Variants in SUGCT observed in about 807,000 individuals in gnomAD.
The protein encoded by SUGCT is succinyl-CoA:glutarate-CoA transferase, also known as succinyl-CoA:glutarate CoA-transferase.
A neutral mutation model predicts 55.0 loss-of-function variants in SUGCT; 41 were observed. That is an observed-to-expected ratio of 0.74 (90% CI 0.58 to 0.97). The LOEUF (loss-of-function observed/expected upper bound fraction) is 0.97. SUGCT is among the 50% of genes least tolerant of loss of function. The probability of loss-of-function intolerance (pLI) is 0.00; values close to 1 mark genes in which losing one functional copy is unlikely to be tolerated. For missense variants in SUGCT, 568 were observed against 547.8 expected (o/e 1.04, Z -0.37); for synonymous variants, 187 against 200.4 (o/e 0.93, Z 0.56).
intron 1 of SUGCT, among the ~76,000 whole-genome samples, chr7:40,176,529 C>A (rs1784929370): frequency 6.6e-6 from 1 of 152,052 alleles, no homozygotes; most frequent in Non-Finnish European, 1.5e-5. Flanking sequence ...AGAAGAGTAA[C>A]CCCTTATGCC....
chr7:40,334,021 C>G (rs60890957), intron 9 of SUGCT, among the ~76,000 whole-genome samples: 2,013 of 151,996 alleles, frequency 0.013, 35 homozygotes, highest in African/African-American at 0.044. Context: ...TTTGTCCTTG[C>G]GATAGTTTGC....
chr7:40,608,167 C>T (rs959038269), intron 12 of SUGCT, among the ~76,000 whole-genome samples: 5 of 152,164 alleles, frequency 3.3e-5, no homozygotes, highest in Admixed American at 2.0e-4. Flanking sequence ...TTCCACATTA[C>T]GTAATGTAAC....
intron 7 of SUGCT, among the ~76,000 whole-genome samples, chr7:40,260,335 A>T (rs1164216741): frequency 6.6e-6 from 1 of 152,226 alleles, no homozygotes; most frequent in Non-Finnish European, 1.5e-5. Context: ...CTAGAATATA[A>T]CATAGACCCC....
At chr7:40,802,090 G>T (rs115602454) in intron 13 of SUGCT, among the ~76,000 whole-genome samples, 15 of 152,054 alleles carry the variant, frequency 9.9e-5, no homozygotes, top group African/African-American at 2.4e-4. Flanking sequence ...ACTTGAAATG[G>T]AGTACAATTA....
intron 12 of SUGCT, among the ~76,000 whole-genome samples, chr7:40,684,651 G>A (rs1784391383): frequency 6.6e-6 from 1 of 151,978 alleles, no homozygotes; most frequent in Admixed American, 6.6e-5. Context: ...CTGTTCCATG[G>A]ACAATGAGGA....
chr7:40,431,803 T>A (rs1787909503), intron 9 of SUGCT, among the ~76,000 whole-genome samples: 1 of 152,190 alleles, frequency 6.6e-6, no homozygotes, highest in Non-Finnish European at 1.5e-5. Flanking sequence ...AATGGGATTT[T>A]TAAAAATGTC....
At chr7:40,137,004 C>A (rs902877727) in intron 1 of SUGCT, among the ~76,000 whole-genome samples, 4 of 151,732 alleles carry the variant, frequency 2.6e-5, no homozygotes, top group Non-Finnish European at 4.4e-5. Flanking sequence ...TGCCCCCCCA[C>A]CCCACTGGAA....
chr7:40,594,421 G>T (rs79135099), intron 12 of SUGCT, among the ~76,000 whole-genome samples: 1 of 151,100 alleles, frequency 6.6e-6, no homozygotes, highest in African/African-American at 2.4e-5. Context: ...AAATGTGATC[G>T]CCCTTCCTTT....
At chr7:41,037,766 G>A in the SUGCT span, among the ~76,000 whole-genome samples, 1 of 151,198 alleles carries the variant, frequency 6.6e-6, no homozygotes, top group Non-Finnish European at 1.5e-5. Flanking sequence ...GGAAAGGTAG[G>A]TTTGAGTATC....
intron 8 of SUGCT, among the ~76,000 whole-genome samples, chr7:40,289,593 A>T (rs532794893): frequency 6.6e-6 from 1 of 152,282 alleles, no homozygotes; most frequent in South Asian, 2.1e-4. Flanking sequence ...GAAAACTGGC[A>T]CAAGACAGGG....
chr7:40,400,156 T>C (rs1785984670), intron 9 of SUGCT, among the ~76,000 whole-genome samples: 1 of 152,332 alleles, frequency 6.6e-6, no homozygotes, highest in South Asian at 2.1e-4. Context: ...ATAAATTGGG[T>C]TGAATTTTGT....
intron 12 of SUGCT, among the ~76,000 whole-genome samples, chr7:40,579,726 G>T (rs1796970739): frequency 6.6e-6 from 1 of 152,262 alleles, no homozygotes; most frequent in Middle Eastern, 3.4e-3. Context: ...AACTTTGTTG[G>T]ACAGGTCAGG....
intron 12 of SUGCT, among the ~76,000 whole-genome samples, chr7:40,665,290 G>T (rs181180638): frequency 3.3e-5 from 5 of 151,306 alleles, no homozygotes; most frequent in Admixed American, 3.3e-4. Context: ...AATACAAAAA[G>T]AATTAGCCAA....
chr7:40,384,960 C>G (rs1414445207), intron 9 of SUGCT, among the ~76,000 whole-genome samples: 6 of 152,058 alleles, frequency 3.9e-5, no homozygotes, highest in Non-Finnish European at 7.4e-5. Context: ...CCTCAAGGGC[C>G]TTTTCTTGTC....
chr7:40,459,094 C>T lies in SUGCT; in HGVS notation c.889-7C>T. The T allele has an allele frequency of 6.3e-7, 1 of 1,594,740 alleles. No individual in the cohort carries two copies. Among genetic ancestry groups the T allele is most frequent in the Non-Finnish European group, 8.6e-7 (1 of 1,164,924 alleles). On this transcript the variant is annotated splice_polypyrimidine_tract_variant and splice_region_variant and intron_variant, in intron 10 of 13. Coordinates refer to ENST00000335693, the MANE Select transcript of SUGCT (RefSeq NM_001193313.2). ...TCTTATACTGGAAAATTATTTTTTT[C>T]TTTTAGATCTTGGATTTGCCTGAGT... is the stretch of plus-strand genomic sequence containing the variant.
At chr7:40,311,442 A>G (rs367727567) in intron 8 of SUGCT, among the ~76,000 whole-genome samples, 18 of 152,366 alleles carry the variant, frequency 1.2e-4, no homozygotes, top group East Asian at 7.7e-4. Context: ...TGAAATGATC[A>G]TTCTGCAAGA....
the SUGCT span, among the ~76,000 whole-genome samples, chr7:41,010,303 G>A: frequency 1.1e-4 from 16 of 152,320 alleles, no homozygotes; most frequent in East Asian, 1.3e-3. Flanking sequence ...AATGAGCCAC[G>A]TAGATAGACA....
the SUGCT span, among the ~76,000 whole-genome samples, chr7:40,981,217 T>C: frequency 6.6e-6 from 1 of 152,188 alleles, no homozygotes; most frequent in African/African-American, 2.4e-5. Context: ...GCAGCCCTGA[T>C]GAAGTCTGAA....
rs565646114 is a variant in SUGCT, at chr7:40,452,306, A to G, written c.888+2948A>G. ...ATTTTAAGCTGATGGATGCCACCCA[A>G]ATGGGTATTCCTATATGAAATATTG... On this transcript the variant is annotated intron_variant, in intron 10 of 13. Coordinates refer to ENST00000335693, the MANE Select transcript of SUGCT (RefSeq NM_001193313.2). Among the ~76,000 whole-genome samples the G allele has an allele frequency of 3.3e-5, 5 of 152,318 alleles. No individual in the cohort carries two copies. The East Asian group carries it at 9.7e-4, about 29-fold the overall frequency.
Sources: gnomAD v4.1 joint callset for allele counts (sites outside exome capture counted in the v4.1 genomes callset) on GRCh38, gnomAD v4.1.1 for gene constraint, MANE v1.5 for transcripts, NCBI Gene and HGNC (gene_info 2026-07-23, HGNC 2026-07-21) for gene names.